ST6GALNAC3: variants seen among roughly 807,000 people sequenced by gnomAD.
ST6GALNAC3 encodes the protein alpha-N-acetylgalactosaminide alpha-2,6-sialyltransferase 3.
In ST6GALNAC3, 25 loss-of-function variants were observed where a neutral mutation model predicts 32.7. The ratio of observed to expected loss-of-function variants is 0.76; its 90% CI spans 0.56 to 1.07. The LOEUF (loss-of-function observed/expected upper bound fraction) is 1.07. Among genes scored for constraint, ST6GALNAC3 ranks in the 50% least tolerant of loss-of-function variants. The pLI, the probability that ST6GALNAC3 is intolerant of heterozygous loss-of-function variation, is 0.00. For missense variants in ST6GALNAC3, 355 were observed against 382.4 expected (o/e 0.93, Z 0.60); for synonymous variants, 129 against 133.1 (o/e 0.97, Z 0.21).
chr1:76,502,191 A>G (rs1265278010), intron 3 of ST6GALNAC3, among the ~76,000 whole-genome samples: 1 of 151,544 alleles, frequency 6.6e-6, no homozygotes, highest in Non-Finnish European at 1.5e-5. Context: ...TTTGAGATCA[A>G]GGGATCTCTT....
chr1:76,274,080 T>C (rs1659003953), intron 1 of ST6GALNAC3, among the ~76,000 whole-genome samples: 1 of 152,210 alleles, frequency 6.6e-6, no homozygotes, highest in Non-Finnish European at 1.5e-5. Context: ...CATATTTTCC[T>C]TTCTAATCTT....
At chr1:76,298,882 A>C (rs1570736004) in intron 1 of ST6GALNAC3, among the ~76,000 whole-genome samples, 1 of 152,100 alleles carries the variant, frequency 6.6e-6, no homozygotes, top group African/African-American at 2.4e-5. Flanking sequence ...GAAATATTGC[A>C]TGTGTTTGCC....
At chr1:76,415,125 T>C (rs1054408217) in intron 3 of ST6GALNAC3, among the ~76,000 whole-genome samples, 25 of 151,500 alleles carry the variant, frequency 1.7e-4, no homozygotes, top group South Asian at 1.5e-3. Flanking sequence ...TCTTTCTTTT[T>C]CTGCTACACT....
intron 2 of ST6GALNAC3, among the ~76,000 whole-genome samples, chr1:76,367,832 T>G (rs1650497081): frequency 6.6e-6 from 1 of 152,148 alleles, no homozygotes; most frequent in African/African-American, 2.4e-5. Context: ...TGCCCCCCAG[T>G]ACCTTGGATA....
chr1:76,484,288 A>C (rs1178207192), intron 3 of ST6GALNAC3, among the ~76,000 whole-genome samples: 1 of 152,228 alleles, frequency 6.6e-6, no homozygotes, highest in East Asian at 1.9e-4. Context: ...TGGGGATGGC[A>C]TTGAATCTAT....
rs575376417 is a variant in ST6GALNAC3, at chr1:76,461,163, C to T, written c.623+48746C>T. Among the ~76,000 whole-genome samples the T allele has an allele frequency of 8.5e-5, 13 of 152,282 alleles. No homozygotes were observed. The South Asian group carries it at 1.4e-3, about 17-fold the overall frequency. ...ATCTGATTCCACTTTATTCTCCTCA[C>T]GGTGAAATTGTTCTTTATGATACTC... On this transcript the variant is annotated intron_variant, in intron 3 of 4. Coordinates refer to ENST00000328299, the MANE Select transcript of ST6GALNAC3 (RefSeq NM_152996.4).
At chr1:76,156,252 C>T (rs926762278) in intron 1 of ST6GALNAC3, among the ~76,000 whole-genome samples, 19 of 152,144 alleles carry the variant, frequency 1.2e-4, no homozygotes, top group African/African-American at 4.3e-4. Flanking sequence ...CTCGCTGAGA[C>T]GGTGTTTGTC....
intron 1 of ST6GALNAC3, among the ~76,000 whole-genome samples, chr1:76,082,724 C>G (rs947163898): frequency 2.6e-5 from 4 of 152,152 alleles, no homozygotes; most frequent in Admixed American, 2.6e-4. Flanking sequence ...CCCCACACTC[C>G]ATATCTCCAG....
chr1:76,371,072 G>T (rs1650775382), intron 2 of ST6GALNAC3, among the ~76,000 whole-genome samples: 1 of 152,086 alleles, frequency 6.6e-6, no homozygotes, highest in South Asian at 2.1e-4. Flanking sequence ...TGTTCATGGT[G>T]TATCCCCAGC....
At chr1:76,315,338 G>A (rs1356077033) in intron 2 of ST6GALNAC3, among the ~76,000 whole-genome samples, 10 of 152,090 alleles carry the variant, frequency 6.6e-5, no homozygotes, top group Non-Finnish European at 2.9e-5. Context: ...ACAAGTGCCT[G>A]TCACAGGCTG....
chr1:76,471,029 C>T (rs1034728187), intron 3 of ST6GALNAC3, among the ~76,000 whole-genome samples: 20 of 152,184 alleles, frequency 1.3e-4, no homozygotes, highest in Admixed American at 9.2e-4. Flanking sequence ...ATTTTTCTTA[C>T]GTCATATTTC....
chr1:76,281,500 C>T (rs1461132149), intron 1 of ST6GALNAC3, among the ~76,000 whole-genome samples: 2 of 152,174 alleles, frequency 1.3e-5, no homozygotes, highest in Non-Finnish European at 2.9e-5. Context: ...GCCTGCACTC[C>T]TCATCTGCAC....
At chr1:76,353,546 T>A (rs1290056855) in intron 2 of ST6GALNAC3, 2 of 154,184 alleles carry the variant, frequency 1.3e-5, no homozygotes, top group Admixed American at 1.3e-4. Context: ...GCTGGGCACC[T>A]GAGACAGGAA....
chr1:76,234,575 A>G (rs1054861288), intron 1 of ST6GALNAC3, among the ~76,000 whole-genome samples: 2 of 152,208 alleles, frequency 1.3e-5, no homozygotes, highest in Non-Finnish European at 2.9e-5. Context: ...GAATGTCTGG[A>G]CAAGAATCCC....
chr1:76,295,616 A>G lies in ST6GALNAC3; in HGVS notation c.19-18189A>G, dbSNP rs566536315. 1.4e-3 allele frequency among the ~76,000 whole-genome samples: 217 copies of G among 152,234 alleles called. 1 individual carries two copies. The highest frequency in any genetic ancestry group is 9.4e-4 in the Non-Finnish European group (64 of 67,968). The stretch of plus-strand genomic sequence containing the variant: ...TGGTTTTGTTCCCACCTTGAATTGA[A>G]TTGACATAGACAGATCAATGGGAGA... On this transcript the variant is annotated intron_variant, in intron 1 of 4. Transcript: ENST00000328299.
intron 1 of ST6GALNAC3, among the ~76,000 whole-genome samples, chr1:76,198,091 G>C (rs1654310489): frequency 6.6e-6 from 1 of 152,172 alleles, no homozygotes; most frequent in Admixed American, 6.5e-5. Flanking sequence ...AGGCTGGAGT[G>C]CACTGGCACA....
At chr1:76,596,454 A>G (rs949474971) in intron 3 of ST6GALNAC3, among the ~76,000 whole-genome samples, 4 of 152,224 alleles carry the variant, frequency 2.6e-5, no homozygotes, top group African/African-American at 7.2e-5. Context: ...GAAAAAAGAT[A>G]TAAAGTGTAG....
intron 2 of ST6GALNAC3, among the ~76,000 whole-genome samples, chr1:76,407,511 T>A (rs1280318330): frequency 1.3e-5 from 2 of 152,036 alleles, no homozygotes; most frequent in African/African-American, 4.8e-5. Context: ...CATTTGTGGC[T>A]TTCTTTAACA....
At chr1:76,502,371 G>C (rs904752132) in intron 3 of ST6GALNAC3, among the ~76,000 whole-genome samples, 2 of 152,150 alleles carry the variant, frequency 1.3e-5, no homozygotes, top group Non-Finnish European at 2.9e-5. Flanking sequence ...CAAAGAAAAA[G>C]ACCACAAACT....
Sources: allele counts gnomAD v4.1 joint callset (sites outside exome capture counted in the v4.1 genomes callset), GRCh38; gene constraint gnomAD v4.1.1; transcripts MANE v1.5; gene names NCBI Gene and HGNC (gene_info 2026-07-23, HGNC 2026-07-21).